LHFPL6: variants seen among roughly 807,000 people sequenced by gnomAD.
LHFPL6 encodes the protein LHFPL tetraspan subfamily member 6 protein.
Under a neutral mutation model 20.6 loss-of-function variants are expected in LHFPL6, and 9 were observed. The ratio of observed to expected loss-of-function variants is 0.44; its 90% CI spans 0.26 to 0.76. LHFPL6 has a LOEUF of 0.76. Ranked by LOEUF, LHFPL6 falls within the 30% of genes least tolerant of loss-of-function variation. The pLI is 0.20. For missense variants in LHFPL6, 218 were observed against 253.5 expected, an observed-to-expected ratio of 0.86 and a Z score of 0.95; for synonymous variants, 105 against 98.7, an observed-to-expected ratio of 1.06 and a Z score of -0.38.
At chr13:39,465,485 A>C (rs17059988) in intron 2 of LHFPL6, among the ~76,000 whole-genome samples, 23,735 of 152,086 alleles carry the variant, frequency 0.16, 3,453 homozygotes, top group East Asian at 0.51. Flanking sequence ...TCAATTAATG[A>C]AATTTTAGGT....
At chr13:39,352,972 C>CACACATATATATAT (rs1555257725) in intron 3 of LHFPL6, among the ~76,000 whole-genome samples, 10 of 69,134 alleles carry the variant, frequency 1.4e-4, no homozygotes, top group African/African-American at 6.6e-4. Flanking sequence ...CACACACACA[C>CACACATATATATAT]ATATATATAT....
chr13:39,567,024 C>G (rs9603565), intron 2 of LHFPL6, among the ~76,000 whole-genome samples: 53,102 of 126,530 alleles, frequency 0.42, 9,849 homozygotes, highest in African/African-American at 0.53. Flanking sequence ...TAAATGTTAG[C>G]CAGGGTTTTT....
intron 2 of LHFPL6, among the ~76,000 whole-genome samples, chr13:39,536,667 C>T (rs761254782): frequency 6.6e-6 from 1 of 152,138 alleles, no homozygotes; most frequent in Non-Finnish European, 1.5e-5. Context: ...CTATCTTTTC[C>T]GATCCTTCCC....
intron 2 of LHFPL6, among the ~76,000 whole-genome samples, chr13:39,503,668 T>C (rs77207884): frequency 6.2e-4 from 95 of 152,346 alleles, no homozygotes; most frequent in African/African-American, 2.1e-3. Flanking sequence ...AATTAATGAA[T>C]ATAATTGAAA....
chr13:39,598,607 G>A (rs1051220448), intron 2 of LHFPL6, among the ~76,000 whole-genome samples: 6 of 152,212 alleles, frequency 3.9e-5, no homozygotes, highest in African/African-American at 1.4e-4. Context: ...CCAGGCTGGA[G>A]TGTAGTGGCC....
intron 2 of LHFPL6, among the ~76,000 whole-genome samples, chr13:39,473,648 C>A (rs1000824052): frequency 1.3e-5 from 2 of 152,112 alleles, no homozygotes; most frequent in Non-Finnish European, 2.9e-5. Context: ...TGACAACAGT[C>A]CCCCTCAGTT....
At chr13:39,505,557 G>A (rs187060811) in intron 2 of LHFPL6, among the ~76,000 whole-genome samples, 1 of 152,024 alleles carries the variant, frequency 6.6e-6, no homozygotes, top group Non-Finnish European at 1.5e-5. Flanking sequence ...ATCCTCAGAG[G>A]CTCCAGAAGG....
intron 2 of LHFPL6, among the ~76,000 whole-genome samples, chr13:39,479,100 T>A (rs1341594762): frequency 6.9e-6 from 1 of 145,688 alleles, no homozygotes; most frequent in African/African-American, 2.5e-5. Context: ...TAGGTTGATC[T>A]CTACCTATCT....
chr13:39,390,256 T>G (rs1400230114), intron 2 of LHFPL6, among the ~76,000 whole-genome samples: 1 of 152,020 alleles, frequency 6.6e-6, no homozygotes. Context: ...CCTGCCACAG[T>G]GAGCTAACTG....
intron 2 of LHFPL6, among the ~76,000 whole-genome samples, chr13:39,514,389 G>C (rs953137957): frequency 3.9e-5 from 6 of 152,164 alleles, no homozygotes; most frequent in Non-Finnish European, 8.8e-5. Context: ...CTGTTCTCTT[G>C]ATGATGAGGG....
At chr13:39,476,287 C>T (rs1240200572) in intron 2 of LHFPL6, among the ~76,000 whole-genome samples, 2 of 152,218 alleles carry the variant, frequency 1.3e-5, no homozygotes, top group Non-Finnish European at 2.9e-5. Context: ...GCCTTGGCCT[C>T]CCAAAGCGCT....
At chr13:39,597,283 C>T (rs1872798892) in intron 2 of LHFPL6, among the ~76,000 whole-genome samples, 1 of 152,242 alleles carries the variant, frequency 6.6e-6, no homozygotes. Context: ...CAGATTCTGA[C>T]ATTTGCAAGC....
chr13:39,409,071 C>T (rs534557445), intron 2 of LHFPL6, among the ~76,000 whole-genome samples: 1 of 152,290 alleles, frequency 6.6e-6, no homozygotes, highest in Non-Finnish European at 1.5e-5. Flanking sequence ...TTGACATCAC[C>T]TAAATCTATG....
intron 2 of LHFPL6, among the ~76,000 whole-genome samples, chr13:39,512,615 AG>A (rs1330746411): frequency 4.1e-5 from 6 of 144,702 alleles, no homozygotes; most frequent in African/African-American, 1.3e-4. Flanking sequence ...AAAAAAAAAA[AG>A]AAAAGAAAAA....
At chr13:39,588,000 G>T (rs1872502363) in intron 2 of LHFPL6, among the ~76,000 whole-genome samples, 1 of 152,050 alleles carries the variant, frequency 6.6e-6, no homozygotes. Context: ...GCCTCCCACT[G>T]GCTGGATATC....
At chr13:39,407,649 T>C (rs974066742) in intron 2 of LHFPL6, among the ~76,000 whole-genome samples, 1 of 152,324 alleles carries the variant, frequency 6.6e-6, no homozygotes, top group African/African-American at 2.4e-5. Flanking sequence ...TTAAATGTAA[T>C]GAACTATGAA....
intron 2 of LHFPL6, among the ~76,000 whole-genome samples, chr13:39,484,114 G>A (rs900948376): frequency 1.2e-4 from 18 of 152,130 alleles, no homozygotes; most frequent in East Asian, 3.9e-4. Context: ...TGCCATTCAC[G>A]TGACAATCAT....
At chr13:39,462,384 A>T (rs1357946015) in intron 2 of LHFPL6, among the ~76,000 whole-genome samples, 1 of 152,000 alleles carries the variant, frequency 6.6e-6, no homozygotes, top group African/African-American at 2.4e-5. Flanking sequence ...GTTGCTTTTA[A>T]AAAAAAATGT....
intron 2 of LHFPL6, among the ~76,000 whole-genome samples, chr13:39,522,653 C>T (rs1870146130): frequency 6.6e-6 from 1 of 152,182 alleles, no homozygotes; most frequent in Admixed American, 6.5e-5. Context: ...CTATTTCTTC[C>T]CAGTTCAAAT....
Sources: allele counts gnomAD v4.1 joint callset (sites outside exome capture counted in the v4.1 genomes callset), GRCh38; gene constraint gnomAD v4.1.1; transcripts MANE v1.5; gene names NCBI Gene and HGNC (gene_info 2026-07-23, HGNC 2026-07-21).